The following FAM20B variants were observed in gnomAD, a reference collection of about 807,000 sequenced individuals.
FAM20B encodes glycosaminoglycan xylosylkinase.
In FAM20B, 23 loss-of-function variants were observed where a neutral mutation model predicts 43.8. The ratio of observed to expected loss-of-function variants is 0.53; its 90% CI spans 0.38 to 0.74. FAM20B has a LOEUF of 0.74. Ranked by LOEUF, FAM20B falls within the 30% of genes least tolerant of loss-of-function variation. The pLI is 0.00. For missense variants in FAM20B, 440 were observed against 510.5 expected (o/e 0.86, Z 1.33); for synonymous variants, 178 against 192.4 (o/e 0.93, Z 0.62).
At chr1:179,029,554 T>G (rs1649923891) in intron 1 of FAM20B, among the ~76,000 whole-genome samples, 1 of 152,066 alleles carries the variant, frequency 6.6e-6, no homozygotes, top group Non-Finnish European at 1.5e-5. Flanking sequence ...AAGAGAAAAA[T>G]GTAAGCTGAT....
At chr1:179,045,773 C>G (rs1398303919) in intron 2 of FAM20B, among the ~76,000 whole-genome samples, 1 of 151,858 alleles carries the variant, frequency 6.6e-6, no homozygotes, top group Non-Finnish European at 1.5e-5. Context: ...ATAGTCTCAG[C>G]TACTTGGAAG....
At chr1:179,066,073 C>CGAATTT (rs1651677958) in intron 6 of FAM20B, among the ~76,000 whole-genome samples, 1 of 152,094 alleles carries the variant, frequency 6.6e-6, no homozygotes, top group South Asian at 2.1e-4. Context: ...CCAGGGATTA[C>CGAATTT]GAATTTGAGG....
chr1:179,022,262 A>C (rs1649615766), upstream of FAM20B, among the ~76,000 whole-genome samples: 1 of 152,192 alleles, frequency 6.6e-6, no homozygotes, highest in Non-Finnish European at 1.5e-5. Flanking sequence ...TCCTGGAAGG[A>C]AACAGAGAGA....
At chr1:179,043,651 A>G (rs1314130943) in intron 1 of FAM20B, 64 bp from the exon 2 acceptor site, 1 of 532,040 alleles carries the variant, frequency 1.9e-6, no homozygotes, top group Non-Finnish European at 3.3e-6. Flanking sequence ...AGAGGCTTAC[A>G]AAAGATTCAG....
At position 179,072,298 on chromosome 1, in the gene FAM20B, GA is replaced by G; in HGVS notation, c.*157del. 1.6e-6 allele frequency: 1 copy of G among 622,818 alleles called. No individual in the cohort carries two copies. The highest frequency in any genetic ancestry group is 2.8e-6 in the Non-Finnish European group (1 of 356,588). 38.6% of individuals were successfully genotyped at this position (622,818 alleles called of 1,614,324 possible). A position where few individuals can be genotyped will look rare whatever the true frequency, so the allele number is the denominator to read the frequency against. The stretch of plus-strand genomic sequence containing the variant: ...GATGTCTTTGGTATTTTCTGTAGTA[GA>G]AACTAAAGCAAAGACCACAAGTTTC... On this transcript the variant is annotated 3_prime_UTR_variant, in exon 8 of 8. Transcript: ENST00000263733.
rs113610453 is a variant in FAM20B, at chr1:179,065,683, C to G, written c.939-1117C>G. 4.1e-3 allele frequency among the ~76,000 whole-genome samples: 621 copies of G among 152,290 alleles called. 3 individuals carry two copies. The highest frequency in any genetic ancestry group is 0.014 in the African/African-American group (597 of 41,564). Reference sequence around the variant, plus strand: ...CCAGCAAACACTGCCTCTCCCTCTACCCCATTACAGCAAAGCACATAGCAC... The same window carrying G: ...CCAGCAAACACTGCCTCTCCCTCTAGCCCATTACAGCAAAGCACATAGCAC... On this transcript the variant is annotated intron_variant, in intron 6 of 7. Coordinates refer to ENST00000263733, the MANE Select transcript of FAM20B (RefSeq NM_014864.4).
intron 1 of FAM20B, among the ~76,000 whole-genome samples, chr1:179,038,393 A>G (rs1274865883): frequency 6.7e-6 from 1 of 148,718 alleles, no homozygotes; most frequent in Non-Finnish European, 1.5e-5. Context: ...CCTGGGCAAC[A>G]CAAGCGAAAC....
upstream of FAM20B, among the ~76,000 whole-genome samples, chr1:179,022,152 A>C (rs1057429955): frequency 6.6e-6 from 1 of 152,166 alleles, no homozygotes; most frequent in South Asian, 2.1e-4. Flanking sequence ...GAAAGAAAGG[A>C]GTTTTCCCTG....
chr1:179,064,177 C>G (rs1381660752), intron 5 of FAM20B, 79 bp downstream of exon 5: 6 of 1,442,854 alleles, frequency 4.2e-6, no homozygotes, highest in Admixed American at 3.9e-5. Flanking sequence ...GCCAGCAGTT[C>G]TGTCCAAGAG....
intron 1 of FAM20B, among the ~76,000 whole-genome samples, chr1:179,039,037 G>A (rs1650368309): frequency 6.6e-6 from 1 of 152,216 alleles, no homozygotes; most frequent in Admixed American, 6.5e-5. Flanking sequence ...TAAGGGAGCA[G>A]TATCACGTTT....
Position 179,074,595 on chromosome 1 carries a change from G to A in FAM20B, c.*2451G>A, listed in dbSNP as rs918056696. 3.3e-5 allele frequency: 5 copies of A among 152,170 alleles called. No individual in the cohort carries two copies. Among genetic ancestry groups the A allele is most frequent in the Non-Finnish European group, 7.4e-5 (5 of 68,024 alleles). 9.4% of individuals were successfully genotyped at this position (152,170 alleles called of 1,614,324 possible). A position where few individuals can be genotyped will look rare whatever the true frequency, so the allele number is the denominator to read the frequency against. ...GAAAGAAAATGTCTCATCCTTTCTT[G>A]AAAGCATTTGCAGAAAATATATCAT... On this transcript the variant is annotated 3_prime_UTR_variant, in exon 8 of 8. Coordinates refer to ENST00000263733, the MANE Select transcript of FAM20B (RefSeq NM_014864.4).
rs139603848 is a variant in FAM20B, at chr1:179,066,262, T to C, written c.939-538T>C. ...ACTCTGAATTGCTGCTAAGGTAATT[T>C]TTGCATCTGCTGTGAATCAGTTTCC... On this transcript the variant is annotated intron_variant, in intron 6 of 7. Coordinates refer to ENST00000263733, the MANE Select transcript of FAM20B (RefSeq NM_014864.4). Among the ~76,000 whole-genome samples the C allele has an allele frequency of 2.0e-5, 3 of 152,318 alleles. No homozygotes were observed. The East Asian group carries it at 5.8e-4, about 29-fold the overall frequency.
intron 2 of FAM20B, among the ~76,000 whole-genome samples, chr1:179,049,079 G>T (rs999824549): frequency 1.2e-4 from 19 of 152,256 alleles, no homozygotes; most frequent in African/African-American, 4.6e-4. Context: ...AGAGGACATA[G>T]GTGAATTAAG....
intron 7 of FAM20B, among the ~76,000 whole-genome samples, chr1:179,069,009 T>C (rs1236420347): frequency 2.0e-5 from 3 of 152,182 alleles, no homozygotes; most frequent in African/African-American, 7.2e-5. Context: ...GAGAATCCAG[T>C]AGAAACCTTC....
intron 2 of FAM20B, among the ~76,000 whole-genome samples, chr1:179,045,312 G>T (rs143598334): frequency 6.6e-6 from 1 of 152,282 alleles, no homozygotes; most frequent in East Asian, 1.9e-4. Context: ...CTCAAAGTTT[G>T]TAATGTCTGA....
At chr1:179,070,369 A>G (rs909685207) in intron 7 of FAM20B, among the ~76,000 whole-genome samples, 1 of 152,102 alleles carries the variant, frequency 6.6e-6, no homozygotes, top group East Asian at 1.9e-4. Flanking sequence ...TATAATGAAC[A>G]GAAATTTATT....
At chr1:179,036,012 C>A (rs1465257417) in intron 1 of FAM20B, among the ~76,000 whole-genome samples, 1 of 152,152 alleles carries the variant, frequency 6.6e-6, no homozygotes, top group African/African-American at 2.4e-5. Flanking sequence ...CACCTGTAAT[C>A]CCTGCTACTT....
At chr1:179,018,881 G>A in the FAM20B span, among the ~76,000 whole-genome samples, 1 of 152,140 alleles carries the variant, frequency 6.6e-6, no homozygotes, top group African/African-American at 2.4e-5. Flanking sequence ...TGCAAGCCGA[G>A]GACCCAGGAA....
intron 7 of FAM20B, among the ~76,000 whole-genome samples, chr1:179,069,305 G>C (rs1028510559): frequency 6.6e-6 from 1 of 152,176 alleles, no homozygotes; most frequent in Non-Finnish European, 1.5e-5. Context: ...TAGTGAGAAT[G>C]CTTTAGGGGA....
Sources: allele counts gnomAD v4.1 joint callset (sites outside exome capture counted in the v4.1 genomes callset), GRCh38; gene constraint gnomAD v4.1.1; transcripts MANE v1.5; gene names NCBI Gene and HGNC (gene_info 2026-07-23, HGNC 2026-07-21).